Variants in STPG2 observed in about 807,000 individuals in gnomAD.
STPG2 encodes the protein sperm-tail PG-rich repeat-containing protein 2.
Under a neutral mutation model 54.2 loss-of-function variants are expected in STPG2, and 56 were observed. That is an observed-to-expected ratio of 1.03 (90% confidence interval 0.83 to 1.29). The LOEUF is 1.29. Ranked by LOEUF, STPG2 falls within the 50% of genes most tolerant of loss-of-function variation. STPG2 has a pLI of 0.00. For missense variants in STPG2, 596 were observed against 544.9 expected (o/e 1.09, Z -0.93); for synonymous variants, 200 against 181.8 (o/e 1.10, Z -0.81).
chr4:97,637,114 T>G (rs2148940539), intron 10 of STPG2, among the ~76,000 whole-genome samples: 1 of 152,266 alleles, frequency 6.6e-6, no homozygotes, highest in East Asian at 1.9e-4. Context: ...GCAAACCGAA[T>G]CCAGCAGCAC....
chr4:97,791,417 A>C, intron 9 of STPG2, among the ~76,000 whole-genome samples: 1 of 152,140 alleles, frequency 6.6e-6, no homozygotes, highest in East Asian at 1.9e-4. Flanking sequence ...TTCATATATG[A>C]CACTGATGTT....
chr4:97,565,017 C>A (rs992114907), intron 10 of STPG2, among the ~76,000 whole-genome samples: 2 of 152,130 alleles, frequency 1.3e-5, no homozygotes, highest in African/African-American at 4.8e-5. Context: ...TGGATAATAT[C>A]CTGCAGAGTG....
intron 4 of STPG2, among the ~76,000 whole-genome samples, chr4:97,446,604 A>G (rs1446714284): frequency 2.0e-5 from 3 of 152,086 alleles, no homozygotes; most frequent in Non-Finnish European, 2.9e-5. Flanking sequence ...ACCAGGTGGG[A>G]GGTGATTGGA....
chr4:97,812,447 G>A (rs778839818), intron 9 of STPG2, among the ~76,000 whole-genome samples: 1 of 151,930 alleles, frequency 6.6e-6, no homozygotes, highest in Non-Finnish European at 1.5e-5. Context: ...TTCTAAAATT[G>A]GATATCATAA....
intron 9 of STPG2, among the ~76,000 whole-genome samples, chr4:97,734,559 T>C (rs1205141882): frequency 6.6e-6 from 1 of 152,198 alleles, no homozygotes; most frequent in Non-Finnish European, 1.5e-5. Context: ...GAGATGATCA[T>C]ATATTTCTTA....
At chr4:97,552,122 G>T (rs918867796) in intron 4 of STPG2, among the ~76,000 whole-genome samples, 7 of 152,022 alleles carry the variant, frequency 4.6e-5, no homozygotes, top group African/African-American at 1.7e-4. Flanking sequence ...AAAACATATT[G>T]TATAGCCAAT....
intron 7 of STPG2, among the ~76,000 whole-genome samples, chr4:97,953,878 G>GA (rs1463441079): frequency 2.6e-5 from 4 of 152,040 alleles, no homozygotes; most frequent in South Asian, 2.1e-4. Context: ...TTGCTTCTCA[G>GA]AAAAAAAGTT....
At chr4:97,619,080 T>A (rs1035462154) in intron 10 of STPG2, among the ~76,000 whole-genome samples, 2 of 152,182 alleles carry the variant, frequency 1.3e-5, no homozygotes, top group Non-Finnish European at 2.9e-5. Flanking sequence ...TCCTTCTCAT[T>A]TCCCCTAAAA....
At chr4:98,101,655 T>TC (rs1560679698) in intron 5 of STPG2, among the ~76,000 whole-genome samples, 1 of 151,988 alleles carries the variant, frequency 6.6e-6, no homozygotes, top group African/African-American at 2.4e-5. Flanking sequence ...TAAACAGAAC[T>TC]AAAAAAAATT....
At position 97,981,332 on chromosome 4, in the gene STPG2, G is replaced by C; in HGVS notation, c.613-14C>G. The C allele has an allele frequency of 6.2e-7, 1 of 1,612,384 alleles. No homozygotes were observed. The highest frequency in any genetic ancestry group is 8.5e-7 in the Non-Finnish European group (1 of 1,179,390). On this transcript the variant is annotated splice_polypyrimidine_tract_variant and intron_variant, in intron 5 of 10. Coordinates refer to ENST00000295268, the MANE Select transcript of STPG2 (RefSeq NM_174952.3). ...AGGTAAAAATCTCTAGTGAAGAACAGGAAAATATGCCAATAAGAAAGTATA... is the reference window on the plus strand; with the variant it reads ...AGGTAAAAATCTCTAGTGAAGAACACGAAAATATGCCAATAAGAAAGTATA...
At chr4:98,134,000 C>A (rs1740068054) in intron 2 of STPG2, among the ~76,000 whole-genome samples, 1 of 151,858 alleles carries the variant, frequency 6.6e-6, no homozygotes, top group South Asian at 2.1e-4. Context: ...GGCACAAAAA[C>A]CAATTCTTTC....
intron 10 of STPG2, among the ~76,000 whole-genome samples, chr4:97,699,249 C>T (rs989521019): frequency 1.3e-5 from 2 of 152,194 alleles, no homozygotes; most frequent in African/African-American, 2.4e-5. Flanking sequence ...ACCTCCATCA[C>T]TGCCACCATG....
chr4:97,709,390 T>C (rs1393402748), intron 10 of STPG2, among the ~76,000 whole-genome samples: 2 of 151,616 alleles, frequency 1.3e-5, no homozygotes, highest in East Asian at 1.9e-4. Flanking sequence ...ATCTCACTTA[T>C]ATTGTCCTAC....
chr4:97,966,466 G>T (rs1272571116), intron 7 of STPG2, among the ~76,000 whole-genome samples: 22 of 152,172 alleles, frequency 1.4e-4, no homozygotes, highest in Admixed American at 1.4e-3. Flanking sequence ...TATTATCCAG[G>T]AGAACTTCCT....
chr4:98,127,060 ATATT>A (rs1317503862), intron 3 of STPG2, among the ~76,000 whole-genome samples: 2 of 151,912 alleles, frequency 1.3e-5, no homozygotes, highest in African/African-American at 2.4e-5. Flanking sequence ...ACACCAGATA[ATATT>A]TATTTAAATT....
chr4:97,902,735 G>A (rs1004261994), intron 8 of STPG2, among the ~76,000 whole-genome samples: 1 of 152,130 alleles, frequency 6.6e-6, no homozygotes, highest in African/African-American at 2.4e-5. Flanking sequence ...AAACAGTATA[G>A]AGGCTCCTCA....
intron 4 of STPG2, among the ~76,000 whole-genome samples, chr4:97,535,066 C>T (rs1041420588): frequency 1.3e-5 from 2 of 152,076 alleles, no homozygotes; most frequent in African/African-American, 4.8e-5. Context: ...AAATTATGAA[C>T]AACATTTATG....
intron 5 of STPG2, among the ~76,000 whole-genome samples, chr4:98,054,872 T>C (rs995576655): frequency 2.0e-5 from 3 of 152,198 alleles, no homozygotes; most frequent in Non-Finnish European, 4.4e-5. Flanking sequence ...AAATGTCTTA[T>C]AGTCAAAAAC....
At chr4:98,036,663 G>A (rs1036714766) in intron 5 of STPG2, among the ~76,000 whole-genome samples, 1 of 151,462 alleles carries the variant, frequency 6.6e-6, no homozygotes, top group African/African-American at 2.4e-5. Flanking sequence ...AGAGGGTGGA[G>A]GGTGGGAAGA....
Sources: gnomAD v4.1 joint callset for allele counts (sites outside exome capture counted in the v4.1 genomes callset) on GRCh38, gnomAD v4.1.1 for gene constraint, MANE v1.5 for transcripts, NCBI Gene and HGNC (gene_info 2026-07-23, HGNC 2026-07-21) for gene names.